The following PHF21A variants were observed in gnomAD, a reference collection of about 807,000 sequenced individuals.
The protein encoded by PHF21A is PHD finger protein 21A.
In PHF21A, 11 loss-of-function variants were observed where a neutral mutation model predicts 82.5. The observed-to-expected ratio is 0.13, with a 90% CI of 0.08 to 0.22. The LOEUF (loss-of-function observed/expected upper bound fraction) is 0.22, where lower values mean the gene tolerates loss of function less well. Ranked by LOEUF, PHF21A falls within the 10% of genes least tolerant of loss-of-function variation. PHF21A has a pLI of 1.00. For synonymous variants in PHF21A, 297 were observed against 302.8 expected (o/e 0.98, Z 0.20); for missense variants, 579 against 837.8 (o/e 0.69, Z 3.81).
At chr11:46,049,607 T>C (rs951772604) in intron 6 of PHF21A, 1 of 403,996 alleles carries the variant, frequency 2.5e-6, no homozygotes, top group Non-Finnish European at 4.9e-6. Context: ...CTGGTTTTGC[T>C]CTTCCCACCT....
intron 6 of PHF21A, among the ~76,000 whole-genome samples, chr11:46,049,113 G>A (rs2096304205): frequency 6.6e-6 from 1 of 152,218 alleles, no homozygotes; most frequent in South Asian, 2.1e-4. Context: ...GATTATCATT[G>A]TTGGGGCATT....
chr11:46,000,453 C>G (rs566388817), intron 6 of PHF21A, among the ~76,000 whole-genome samples: 1 of 152,100 alleles, frequency 6.6e-6, no homozygotes, highest in African/African-American at 2.4e-5. Context: ...GACAAGTACA[C>G]AATTACCAGA....
At chr11:46,073,958 T>C (rs538714588) in intron 6 of PHF21A, among the ~76,000 whole-genome samples, 1 of 152,288 alleles carries the variant, frequency 6.6e-6, no homozygotes, top group East Asian at 1.9e-4. Flanking sequence ...GTTTTAGTCA[T>C]GAAGGATGCT....
At chr11:46,018,055 C>G (rs1425951498) in intron 6 of PHF21A, among the ~76,000 whole-genome samples, 1 of 151,832 alleles carries the variant, frequency 6.6e-6, no homozygotes. Flanking sequence ...TCGAGACCAT[C>G]CCGGCTAAAA....
At chr11:45,990,418 C>A (rs957625688) in intron 6 of PHF21A, among the ~76,000 whole-genome samples, 16 of 151,728 alleles carry the variant, frequency 1.1e-4, no homozygotes, top group Non-Finnish European at 1.8e-4. Flanking sequence ...ACCACCACGC[C>A]CGGCTAATTT....
At chr11:46,009,555 C>T (rs943933720) in intron 6 of PHF21A, among the ~76,000 whole-genome samples, 2 of 152,148 alleles carry the variant, frequency 1.3e-5, no homozygotes, top group African/African-American at 4.8e-5. Context: ...TCTAAGCACG[C>T]TATGTATTAC....
At chr11:46,098,160 C>T (rs1315990314) in intron 1 of PHF21A, among the ~76,000 whole-genome samples, 1 of 152,096 alleles carries the variant, frequency 6.6e-6, no homozygotes, top group Non-Finnish European at 1.5e-5. Flanking sequence ...GAACAGAGGT[C>T]CAAGAAGTCC....
intron 1 of PHF21A, among the ~76,000 whole-genome samples, chr11:46,109,522 ATAGT>A (rs2097187694): frequency 6.6e-6 from 1 of 150,996 alleles, no homozygotes; most frequent in Non-Finnish European, 1.5e-5. Flanking sequence ...TAAAATTTAT[ATAGT>A]TAGTAAAATA....
At chr11:46,034,333 C>G (rs987387292) in intron 6 of PHF21A, among the ~76,000 whole-genome samples, 1 of 149,876 alleles carries the variant, frequency 6.7e-6, no homozygotes, top group African/African-American at 2.5e-5. Flanking sequence ...TTAAAAATAT[C>G]TGTCTTGAAT....
At chr11:46,011,155 A>T (rs2095406338) in intron 6 of PHF21A, among the ~76,000 whole-genome samples, 1 of 152,170 alleles carries the variant, frequency 6.6e-6, no homozygotes, top group Non-Finnish European at 1.5e-5. Context: ...TTTAATTTGT[A>T]ACTTCACTTT....
At chr11:45,957,765 A>G (rs1290489330) in intron 10 of PHF21A, among the ~76,000 whole-genome samples, 4 of 150,304 alleles carry the variant, frequency 2.7e-5, no homozygotes, top group Non-Finnish European at 5.9e-5. Context: ...AAAAAAAAAA[A>G]AAAAGAAAAA....
At chr11:46,001,773 G>A (rs956956024) in intron 6 of PHF21A, among the ~76,000 whole-genome samples, 5 of 152,106 alleles carry the variant, frequency 3.3e-5, no homozygotes, top group Non-Finnish European at 1.5e-5. Context: ...GCTGTCACTC[G>A]TACTAGAAAA....
chr11:46,065,276 A>G (rs1013557707), intron 6 of PHF21A, among the ~76,000 whole-genome samples: 2 of 152,200 alleles, frequency 1.3e-5, no homozygotes, highest in Non-Finnish European at 2.9e-5. Context: ...TGAGATGCAA[A>G]GTCTGTTGAA....
intron 1 of PHF21A, among the ~76,000 whole-genome samples, chr11:46,117,569 T>C (rs549023069): frequency 1.2e-4 from 18 of 152,176 alleles, no homozygotes; most frequent in Non-Finnish European, 2.5e-4. Context: ...GGGAAAAAAC[T>C]ACAAGAAGTC....
At chr11:46,016,340 T>C (rs2095517092) in intron 6 of PHF21A, among the ~76,000 whole-genome samples, 1 of 152,234 alleles carries the variant, frequency 6.6e-6, no homozygotes, top group South Asian at 2.1e-4. Flanking sequence ...AGGTAAGGCA[T>C]TTAAGGCCCT....
At chr11:46,066,879 A>G (rs2096600495) in intron 6 of PHF21A, among the ~76,000 whole-genome samples, 1 of 152,222 alleles carries the variant, frequency 6.6e-6, no homozygotes, top group Non-Finnish European at 1.5e-5. Context: ...ATAAATGACC[A>G]TGAATGCATA....
chr11:46,050,279 T>C (rs2096333762), intron 6 of PHF21A, among the ~76,000 whole-genome samples: 1 of 152,260 alleles, frequency 6.6e-6, no homozygotes, highest in African/African-American at 2.4e-5. Flanking sequence ...GTGTCCTTGC[T>C]CACGGCAGGA....
chr11:46,031,003 G>A (rs2095857401), intron 6 of PHF21A, among the ~76,000 whole-genome samples: 1 of 152,044 alleles, frequency 6.6e-6, no homozygotes, highest in Non-Finnish European at 1.5e-5. Flanking sequence ...ATAATGCAGA[G>A]CCATAAGGAG....
chr11:46,084,704 G>A (rs2096835433), intron 3 of PHF21A, among the ~76,000 whole-genome samples: 1 of 148,814 alleles, frequency 6.7e-6, no homozygotes, highest in Non-Finnish European at 1.5e-5. Context: ...TTTTGAGATG[G>A]AGTCTCGCTC....
Sources: allele counts gnomAD v4.1 joint callset (sites outside exome capture counted in the v4.1 genomes callset), GRCh38; gene constraint gnomAD v4.1.1; transcripts MANE v1.5; gene names NCBI Gene and HGNC (gene_info 2026-07-23, HGNC 2026-07-21).